FBXL20: variants seen among roughly 807,000 people sequenced by gnomAD.
The protein encoded by FBXL20 is F-box and leucine rich repeat protein 20.
A neutral mutation model predicts 64.0 loss-of-function variants in FBXL20; 11 were observed. The observed-to-expected ratio is 0.17, with a 90% CI of 0.11 to 0.28. The LOEUF (loss-of-function observed/expected upper bound fraction) is 0.28. FBXL20 is among the 10% of genes least tolerant of loss of function. The pLI, the probability that FBXL20 is intolerant of heterozygous loss-of-function variation, is 1.00. For synonymous variants in FBXL20, 184 were observed against 189.0 expected (o/e 0.97, Z 0.22); for missense variants, 303 against 526.2 (o/e 0.58, Z 4.15).
chr17:39,302,938 GTCTCGC>G (rs1301592211), intron 3 of FBXL20, among the ~76,000 whole-genome samples: 1 of 151,198 alleles, frequency 6.6e-6, no homozygotes, highest in African/African-American at 2.4e-5. Context: ...TTGAGACAGA[GTCTCGC>G]TCTGTCGCCC....
chr17:39,366,025 G>A (rs571347988), intron 1 of FBXL20, among the ~76,000 whole-genome samples: 137 of 151,694 alleles, frequency 9.0e-4, no homozygotes, highest in African/African-American at 3.1e-3. Flanking sequence ...ATGGGGTCTC[G>A]CTATGTCTGA....
rs767354255 is a variant in FBXL20, at chr17:39,401,427, C to T, written c.-25G>A. 1.3e-6 allele frequency: 2 copies of T among 1,580,280 alleles called. No individual in the cohort carries two copies. Among genetic ancestry groups the T allele is most frequent in the Admixed American group, 1.8e-5 (1 of 54,990 alleles). On this transcript the variant is annotated 5_prime_UTR_variant, in exon 1 of 15. Transcript: ENST00000264658. ...TGGGGCCGGCGGGTGCGGCCCGGGC[C>T]GGGCGCTGCGGCGAGCGGAGTGCAC... is the stretch of plus-strand genomic sequence containing the variant.
At chr17:39,389,518 G>A (rs561353676) in intron 1 of FBXL20, among the ~76,000 whole-genome samples, 6 of 152,152 alleles carry the variant, frequency 3.9e-5, no homozygotes, top group East Asian at 1.9e-4. Context: ...TGCAGTGCTC[G>A]TTTTAAAAAA....
intron 1 of FBXL20, among the ~76,000 whole-genome samples, chr17:39,375,074 C>T (rs963699395): frequency 4.6e-5 from 7 of 152,066 alleles, no homozygotes; most frequent in African/African-American, 7.2e-5. Flanking sequence ...CGTGAGCCAC[C>T]GCACCCAGCT....
In FBXL20 at chr17:39,255,251, C is replaced by T. The variant is rs1214780100; in HGVS notation, c.*6209G>A. 2 of 151,838 alleles carry T rather than the reference C, an allele frequency of 1.3e-5. No homozygotes were observed. The highest frequency in any genetic ancestry group is 1.3e-4 in the Admixed American group (2 of 15,234). 9.4% of individuals were successfully genotyped at this position (151,838 alleles called of 1,614,324 possible). A position where few individuals can be genotyped will look rare whatever the true frequency, so the allele number is the denominator to read the frequency against. ...AGGAGATCGAGACCATCCTGGCTAACAGGGTGAAACCCCGTCTCTACTAAA... is the reference window on the plus strand; with the variant it reads ...AGGAGATCGAGACCATCCTGGCTAATAGGGTGAAACCCCGTCTCTACTAAA... On this transcript the variant is annotated 3_prime_UTR_variant, in exon 15 of 15. Coordinates refer to ENST00000264658, the MANE Select transcript of FBXL20 (RefSeq NM_032875.3).
chr17:39,398,283 GA>G (rs947196200), intron 1 of FBXL20, among the ~76,000 whole-genome samples: 6 of 151,820 alleles, frequency 4.0e-5, no homozygotes, highest in African/African-American at 7.3e-5. Flanking sequence ...TCATCTCAAA[GA>G]AAAAAAGCAA....
chr17:39,342,459 T>C (rs979811763), intron 2 of FBXL20, among the ~76,000 whole-genome samples: 4 of 151,102 alleles, frequency 2.6e-5, no homozygotes, highest in Non-Finnish European at 5.9e-5. Context: ...CTCACGCCTG[T>C]AATCCCAGCA....
At chr17:39,361,325 G>C (rs750297672) in intron 1 of FBXL20, among the ~76,000 whole-genome samples, 5 of 152,050 alleles carry the variant, frequency 3.3e-5, no homozygotes, top group Non-Finnish European at 7.4e-5. Context: ...AGGCCATTTC[G>C]CTGTTAGCTG....
chr17:39,354,835 CAATT>C (rs899812414), intron 1 of FBXL20, among the ~76,000 whole-genome samples: 1 of 152,122 alleles, frequency 6.6e-6, no homozygotes, highest in Admixed American at 6.6e-5. Flanking sequence ...AATAAAATAA[CAATT>C]AAAATAGTTG....
At chr17:39,358,744 A>C (rs1254124845) in intron 1 of FBXL20, among the ~76,000 whole-genome samples, 1 of 152,076 alleles carries the variant, frequency 6.6e-6, no homozygotes. Flanking sequence ...AACAATAACA[A>C]CACTATCAAC....
chr17:39,350,785 C>A (rs537531913), intron 1 of FBXL20, among the ~76,000 whole-genome samples: 2 of 152,280 alleles, frequency 1.3e-5, no homozygotes, highest in Admixed American at 1.3e-4. Flanking sequence ...GCAGGAGTAT[C>A]AGCATCAACC....
chr17:39,279,712 A>AT (rs2046931337), intron 9 of FBXL20, among the ~76,000 whole-genome samples: 3 of 152,108 alleles, frequency 2.0e-5, no homozygotes, highest in Non-Finnish European at 4.4e-5. Context: ...CCTGGCCAAC[A>AT]TGGCAAAACC....
chr17:39,313,739 G>A (rs767239916), intron 2 of FBXL20, among the ~76,000 whole-genome samples: 2 of 152,124 alleles, frequency 1.3e-5, no homozygotes, highest in African/African-American at 2.4e-5. Flanking sequence ...GGGTTCAAGC[G>A]ATTCTCCTGC....
At chr17:39,278,727 T>G (rs1346687676) in intron 9 of FBXL20, among the ~76,000 whole-genome samples, 5 of 7,142 alleles carry the variant, frequency 7.0e-4, no homozygotes, top group Non-Finnish European at 1.2e-3. Flanking sequence ...TTTTGTATTT[T>G]TAGTGGAGAT....
chr17:39,300,269 C>T (rs182896116), intron 4 of FBXL20, among the ~76,000 whole-genome samples: 137 of 152,260 alleles, frequency 9.0e-4, no homozygotes, highest in African/African-American at 3.1e-3. Flanking sequence ...AGGTGATCCG[C>T]CCACCTTGGC....
chr17:39,399,758 G>A (rs1597843637), intron 1 of FBXL20, among the ~76,000 whole-genome samples: 2 of 142,796 alleles, frequency 1.4e-5, no homozygotes, highest in South Asian at 4.1e-4. Context: ...CACCCCTACA[G>A]AGATTGTAAA....
rs139964120 is a variant in FBXL20 at position 39,385,185 on chromosome 17, G to A, written c.42+16176C>T. ...TGCAGTGAGCTATGATGGCGCCACC[G>A]CACTCCAGACTGGGCAACATTGTGA... On this transcript the variant is annotated intron_variant, in intron 1 of 14. Transcript: ENST00000264658. Among the ~76,000 whole-genome samples the A allele has an allele frequency of 5.3e-5, 8 of 152,186 alleles. 1 individual carries two copies. In the East Asian group the frequency reaches 9.7e-4, roughly 18 times the overall value.
intron 1 of FBXL20, among the ~76,000 whole-genome samples, chr17:39,387,972 ATGAGT>A (rs1255801885): frequency 6.6e-6 from 1 of 152,140 alleles, no homozygotes; most frequent in Non-Finnish European, 1.5e-5. Flanking sequence ...AGGTAATGTG[ATGAGT>A]TAATTACATA....
At chr17:39,358,185 GAGAGGC>G (rs1431716350) in intron 1 of FBXL20, among the ~76,000 whole-genome samples, 1 of 152,138 alleles carries the variant, frequency 6.6e-6, no homozygotes, top group African/African-American at 2.4e-5. Flanking sequence ...TCAGCTCAAG[GAGAGGC>G]AGTATTCTCC....
Sources: gnomAD v4.1 joint callset for allele counts (sites outside exome capture counted in the v4.1 genomes callset) on GRCh38, gnomAD v4.1.1 for gene constraint, MANE v1.5 for transcripts, NCBI Gene and HGNC (gene_info 2026-07-23, HGNC 2026-07-21) for gene names.